TUSC3: variants seen among roughly 807,000 people sequenced by gnomAD.
TUSC3 encodes tumor suppressor candidate 3.
In TUSC3, 45 loss-of-function variants were observed where a neutral mutation model predicts 44.8. That is an observed-to-expected ratio of 1.00 (90% CI 0.79 to 1.29). The LOEUF is 1.29. TUSC3 is among the 50% of genes most tolerant of loss of function. The pLI, the probability that TUSC3 is intolerant of heterozygous loss-of-function variation, is 0.00. For missense variants in TUSC3, 519 were observed against 437.9 expected, an observed-to-expected ratio of 1.19 and a Z score of -1.65; for synonymous variants, 212 against 152.9, an observed-to-expected ratio of 1.39 and a Z score of -2.85.
intron 1 of TUSC3, among the ~76,000 whole-genome samples, chr8:15,457,905 A>G (rs1361277721): frequency 6.7e-6 from 1 of 149,922 alleles, no homozygotes; most frequent in Non-Finnish European, 1.5e-5. Context: ...TTAGATAATT[A>G]CTAATTGAAT....
chr8:15,676,149 A>T (rs1423471324), intron 6 of TUSC3, among the ~76,000 whole-genome samples: 1 of 152,108 alleles, frequency 6.6e-6, no homozygotes, highest in Non-Finnish European at 1.5e-5. Context: ...ATGATATCTC[A>T]TTGTGATTTT....
intron 10 of TUSC3, among the ~76,000 whole-genome samples, chr8:15,762,769 CTA>C (rs2129225136): frequency 6.6e-6 from 1 of 152,174 alleles, no homozygotes; most frequent in South Asian, 2.1e-4. Context: ...AGGATGAACG[CTA>C]TCTTTTCAAA....
chr8:15,666,829 T>G (rs1043087504), intron 5 of TUSC3, among the ~76,000 whole-genome samples: 1 of 151,528 alleles, frequency 6.6e-6, no homozygotes, highest in African/African-American at 2.4e-5. Flanking sequence ...TTATGGTTTT[T>G]GCAAACAGGT....
chr8:15,492,056 T>C (rs1412132105), intron 2 of TUSC3, among the ~76,000 whole-genome samples: 1 of 152,222 alleles, frequency 6.6e-6, no homozygotes, highest in Non-Finnish European at 1.5e-5. Context: ...ACTCCTCATA[T>C]TCCTGGCTAT....
chr8:15,662,416 A>C, intron 5 of TUSC3, 120 bp downstream of exon 5: 1 of 1,350,058 alleles, frequency 7.4e-7, no homozygotes, highest in Non-Finnish European at 1.0e-6. Flanking sequence ...AATGAGAAGT[A>C]ACTTTTTAGA....
intron 1 of TUSC3, among the ~76,000 whole-genome samples, chr8:15,541,133 GTA>G (rs910733824): frequency 3.3e-5 from 5 of 152,142 alleles, no homozygotes; most frequent in African/African-American, 1.2e-4. Flanking sequence ...AAGTTATCCT[GTA>G]TGTTTACTTT....
At chr8:15,561,473 C>G (rs993026508) in intron 1 of TUSC3, 1 of 144,390 alleles carries the variant, frequency 6.9e-6, no homozygotes, top group Admixed American at 6.9e-5. Flanking sequence ...CTGTGCCCTG[C>G]CCCCAGAGGT....
At position 15,462,230 on chromosome 8, in the gene TUSC3, C is replaced by G. The variant is rs1800355835; in HGVS notation, n.92-21156C>G. 2.0e-5 allele frequency among the ~76,000 whole-genome samples: 3 copies of G among 152,046 alleles called. No individual in the cohort carries two copies. In the South Asian group the frequency reaches 6.2e-4, roughly 32 times the overall value. The stretch of plus-strand genomic sequence containing the variant: ...CAGGTCATAAATCATGTAATCATCA[C>G]CATTCTATGTGGCAGAGAATTTTGA... On this transcript the variant is annotated intron_variant and non_coding_transcript_variant, in intron 1 of 5. Coordinates refer to the TUSC3 transcript ENST00000503191.
At chr8:15,499,279 C>T (rs978670716) in intron 2 of TUSC3, among the ~76,000 whole-genome samples, 1 of 152,148 alleles carries the variant, frequency 6.6e-6, no homozygotes, top group Non-Finnish European at 1.5e-5. Context: ...TCCTTATCAA[C>T]ATTTACTTTT....
intron 1 of TUSC3, among the ~76,000 whole-genome samples, chr8:15,428,817 G>A (rs1002225839): frequency 3.3e-5 from 5 of 149,484 alleles, no homozygotes; most frequent in African/African-American, 1.3e-4. Context: ...TGATGGGGTT[G>A]TTTGTTTTTT....
intron 2 of TUSC3, among the ~76,000 whole-genome samples, chr8:15,519,635 C>T (rs986468239): frequency 9.2e-5 from 14 of 152,140 alleles, no homozygotes; most frequent in African/African-American, 3.4e-4. Context: ...GCCTGATGAT[C>T]TGAGGTGCAA....
At chr8:15,726,021 T>C (rs1002196387) in intron 6 of TUSC3, among the ~76,000 whole-genome samples, 3 of 152,186 alleles carry the variant, frequency 2.0e-5, no homozygotes, top group African/African-American at 7.2e-5. Context: ...AAGTAACCTT[T>C]TGGTCCACCA....
the TUSC3 span, among the ~76,000 whole-genome samples, chr8:15,837,178 A>T: frequency 6.6e-6 from 1 of 151,774 alleles, no homozygotes; most frequent in Admixed American, 6.6e-5. Flanking sequence ...AAATCAAACG[A>T]TAATTTGATT....
At chr8:15,606,297 T>C (rs753818755) in intron 1 of TUSC3, among the ~76,000 whole-genome samples, 6 of 152,116 alleles carry the variant, frequency 3.9e-5, no homozygotes, top group Non-Finnish European at 4.4e-5. Context: ...CTATGATTTC[T>C]AAATAACATT....
intron 1 of TUSC3, among the ~76,000 whole-genome samples, chr8:15,591,546 G>T (rs992801341): frequency 6.6e-6 from 1 of 152,222 alleles, no homozygotes; most frequent in South Asian, 2.1e-4. Flanking sequence ...AGTATCAAGC[G>T]AGTAAGCATA....
At chr8:15,589,846 C>A (rs1803750007) in intron 1 of TUSC3, among the ~76,000 whole-genome samples, 1 of 152,154 alleles carries the variant, frequency 6.6e-6, no homozygotes, top group African/African-American at 2.4e-5. Flanking sequence ...AATTCTGATT[C>A]TAGAACTTCT....
intron 6 of TUSC3, among the ~76,000 whole-genome samples, chr8:15,680,225 G>A (rs1487250856): frequency 6.6e-6 from 1 of 151,836 alleles, no homozygotes; most frequent in Non-Finnish European, 1.5e-5. Context: ...AGCATGGGTT[G>A]GTTTTCCATT....
rs998724158 is a variant in TUSC3 at position 15,711,491 on chromosome 8, T to C, written c.799-19175T>C. Among the ~76,000 whole-genome samples, 4 of 147,014 alleles carry C rather than the reference T, an allele frequency of 2.7e-5. No individual in the cohort carries two copies. The South Asian group carries it at 8.6e-4, about 32-fold the overall frequency. ...GTGTGTGTGTGTGTGTGTGTGTGTG[T>C]GTGTATTTAATATGTGTGTATATAT... On this transcript the variant is annotated intron_variant, in intron 6 of 10. Transcript: ENST00000503731.
intron 10 of TUSC3, among the ~76,000 whole-genome samples, chr8:15,762,699 C>T (rs1000364048): frequency 7.2e-5 from 11 of 151,890 alleles, no homozygotes; most frequent in African/African-American, 1.2e-4. Flanking sequence ...TTTCATTAAC[C>T]CTCATTCTTC....
Sources: gnomAD v4.1 joint callset for allele counts (sites outside exome capture counted in the v4.1 genomes callset) on GRCh38, gnomAD v4.1.1 for gene constraint, MANE v1.5 for transcripts, NCBI Gene and HGNC (gene_info 2026-07-23, HGNC 2026-07-21) for gene names.